Variants in RYR2 observed in about 807,000 individuals in gnomAD.
RYR2 encodes the protein cardiac muscle ryanodine receptor-calcium release channel.
Under a neutral mutation model 601.1 loss-of-function variants are expected in RYR2, and 227 were observed. The ratio of observed to expected loss-of-function variants is 0.38; its 90% CI spans 0.34 to 0.42. The LOEUF is 0.42. Ranked by LOEUF, RYR2 falls within the 10% of genes least tolerant of loss-of-function variation. RYR2 has a pLI of 1.00. For synonymous variants in RYR2, 2,223 were observed against 2,175.1 expected (o/e 1.02, Z -0.61); for missense variants, 4,646 against 6,156.5 (o/e 0.75, Z 8.21).
chr1:237,363,715 C>A (rs944848967), intron 4 of RYR2, among the ~76,000 whole-genome samples: 1 of 152,000 alleles, frequency 6.6e-6, no homozygotes, highest in Non-Finnish European at 1.5e-5. Flanking sequence ...CACACACATA[C>A]GTACACATTA....
chr1:237,233,668 A>G (rs1490932711), intron 1 of RYR2, among the ~76,000 whole-genome samples: 2 of 151,902 alleles, frequency 1.3e-5, no homozygotes, highest in Non-Finnish European at 2.9e-5. Flanking sequence ...TCTTATTGTT[A>G]TTTTGAAATG....
chr1:237,091,208 C>CT (rs1214612847), intron 1 of RYR2, among the ~76,000 whole-genome samples: 1 of 152,130 alleles, frequency 6.6e-6, no homozygotes, highest in East Asian at 1.9e-4. Context: ...GTTCTGTGAA[C>CT]ACCCAGAAAC....
intron 101 of RYR2, among the ~76,000 whole-genome samples, chr1:237,824,749 G>T (rs1399304272): frequency 6.6e-6 from 1 of 152,172 alleles, no homozygotes; most frequent in Non-Finnish European, 1.5e-5. Flanking sequence ...GTCTGCAGAT[G>T]ACATGATTGT....
At chr1:237,241,848 G>A (rs1047153799) in intron 1 of RYR2, among the ~76,000 whole-genome samples, 2 of 152,156 alleles carry the variant, frequency 1.3e-5, no homozygotes, top group African/African-American at 2.4e-5. Context: ...TTAGCATGCT[G>A]ATGCATTGTA....
chr1:237,769,050 AGT>A (rs1331375587), intron 84 of RYR2, among the ~76,000 whole-genome samples: 2 of 152,228 alleles, frequency 1.3e-5, no homozygotes, highest in African/African-American at 4.8e-5. Flanking sequence ...TATTTATTTC[AGT>A]GTTTTTCTGA....
chr1:237,628,875 T>C (rs1004243779), intron 41 of RYR2, among the ~76,000 whole-genome samples: 4 of 152,108 alleles, frequency 2.6e-5, no homozygotes, highest in Admixed American at 2.6e-4. Flanking sequence ...TCTTTATCTA[T>C]TGGGCCTTGG....
chr1:237,805,293 A>G (rs1000010878), intron 98 of RYR2, among the ~76,000 whole-genome samples: 1 of 152,178 alleles, frequency 6.6e-6, no homozygotes, highest in Non-Finnish European at 1.5e-5. Flanking sequence ...GTAAAAATGT[A>G]TAGTGAGCCA....
At chr1:237,524,068 A>G (rs1667345172) in intron 24 of RYR2, among the ~76,000 whole-genome samples, 1 of 152,218 alleles carries the variant, frequency 6.6e-6, no homozygotes, top group African/African-American at 2.4e-5. Context: ...TATCTACTCA[A>G]GAGAAATAAA....
At chr1:237,372,819 A>G (rs1700743090) in intron 6 of RYR2, among the ~76,000 whole-genome samples, 1 of 152,162 alleles carries the variant, frequency 6.6e-6, no homozygotes, top group Admixed American at 6.6e-5. Flanking sequence ...ATTACACCTG[A>G]AATTTTTATA....
rs113914685 is a variant in RYR2 at position 237,320,317 on chromosome 1, T to C, written c.169-10561T>C. On this transcript the variant is annotated intron_variant, in intron 2 of 104. Transcript: ENST00000366574. ...GATCCTTCAACATAAAAAAGTGTTA[T>C]GTTATGGCTGTATCTTATCAGGTGC... Among the ~76,000 whole-genome samples, 825 of 152,274 alleles carry C rather than the reference T, an allele frequency of 5.4e-3. 12 individuals are homozygous for C. The highest frequency in any genetic ancestry group is 0.019 in the African/African-American group (786 of 41,570).
chr1:237,623,371 C>G (rs1336547291), intron 38 of RYR2, among the ~76,000 whole-genome samples: 2 of 63,450 alleles, frequency 3.2e-5, no homozygotes, highest in South Asian at 7.1e-4. Flanking sequence ...TTCTTTCTTT[C>G]TTTCTTTCTT....
chr1:237,817,659 C>T (rs1661983884), intron 100 of RYR2, among the ~76,000 whole-genome samples: 1 of 152,188 alleles, frequency 6.6e-6, no homozygotes, highest in Non-Finnish European at 1.5e-5. Flanking sequence ...AAAGGTCCCC[C>T]AAGGGAGTGT....
intron 2 of RYR2, among the ~76,000 whole-genome samples, chr1:237,284,656 A>ATAT (rs1240131275): frequency 8.8e-5 from 10 of 113,930 alleles, no homozygotes; most frequent in South Asian, 3.3e-4. Context: ...ATATATATAT[A>ATAT]TATTCCACCA....
intron 1 of RYR2, among the ~76,000 whole-genome samples, chr1:237,242,857 C>G (rs957465233): frequency 3.9e-5 from 6 of 152,040 alleles, no homozygotes; most frequent in Non-Finnish European, 8.8e-5. Flanking sequence ...TTTGGATGTA[C>G]GTGCAGAAAC....
chr1:237,043,106 C>T (rs1457198037), intron 1 of RYR2, among the ~76,000 whole-genome samples: 5 of 152,164 alleles, frequency 3.3e-5, no homozygotes, highest in African/African-American at 1.2e-4. Flanking sequence ...TAGCGTGCGG[C>T]GCAGCTGACC....
intron 35 of RYR2, among the ~76,000 whole-genome samples, chr1:237,604,906 G>A (rs1391996560): frequency 6.6e-6 from 1 of 152,120 alleles, no homozygotes; most frequent in Non-Finnish European, 1.5e-5. Context: ...CCAATAACAG[G>A]CTCTGACATT....
At position 237,660,084 on chromosome 1, in the gene RYR2, TTTTG is replaced by T. The variant is rs1269850855; in HGVS notation, c.8298+18_8298+21del. Reference sequence around the variant, plus strand: ...GCTATTGTCTGAAAAGGTAAGGATTTTTTGTTTGTTTTAGTTTGTAAAGTTTTTA... The same window carrying T: ...GCTATTGTCTGAAAAGGTAAGGATTTTTTGTTTTAGTTTGTAAAGTTTTTA... On this transcript the variant is annotated intron_variant, in intron 55 of 104. Coordinates refer to ENST00000366574, the MANE Select transcript of RYR2 (RefSeq NM_001035.3). 2.1e-6 allele frequency: 3 copies of T among 1,459,616 alleles called. No homozygotes were observed. Among genetic ancestry groups the T allele is most frequent in the East Asian group, 2.5e-5 (1 of 39,584 alleles). The allele number at this position is 1,459,616 out of a possible 1,614,324, so 90.4% of individuals were successfully genotyped here. A position where few individuals can be genotyped will look rare whatever the true frequency, so the allele number is the denominator to read the frequency against.
intron 79 of RYR2, among the ~76,000 whole-genome samples, chr1:237,736,378 T>A (rs1691145937): frequency 6.6e-6 from 1 of 151,514 alleles, no homozygotes. Context: ...GGAGAATTGC[T>A]TGAATCTGGG....
At chr1:237,767,862 C>T (rs575292452) in intron 84 of RYR2, among the ~76,000 whole-genome samples, 1 of 152,246 alleles carries the variant, frequency 6.6e-6, no homozygotes, top group South Asian at 2.1e-4. Flanking sequence ...CCACAATCAG[C>T]ATAATTTCCT....
Sources: gnomAD v4.1 joint callset for allele counts (sites outside exome capture counted in the v4.1 genomes callset) on GRCh38, gnomAD v4.1.1 for gene constraint, MANE v1.5 for transcripts, NCBI Gene and HGNC (gene_info 2026-07-23, HGNC 2026-07-21) for gene names.